STK10: variants seen among roughly 807,000 people sequenced by gnomAD.
The protein encoded by STK10 is serine/threonine-protein kinase 10.
A neutral mutation model predicts 113.8 loss-of-function variants in STK10; 78 were observed. The ratio of observed to expected loss-of-function variants is 0.69; its 90% CI spans 0.57 to 0.83. The LOEUF is 0.83. Among genes scored for constraint, STK10 ranks in the 40% least tolerant of loss-of-function variants. The pLI, the probability that STK10 is intolerant of heterozygous loss-of-function variation, is 0.00. For missense variants in STK10, 1,109 were observed against 1,280.1 expected (o/e 0.87, Z 2.04); for synonymous variants, 465 against 494.7 (o/e 0.94, Z 0.80).
intron 2 of STK10, among the ~76,000 whole-genome samples, chr5:172,128,375 C>T (rs1259323520): frequency 7.4e-6 from 1 of 134,952 alleles, no homozygotes; most frequent in Non-Finnish European, 1.5e-5. Context: ...GACTCTCGCT[C>T]TTGTCACCCA....
chr5:172,166,000 T>C (rs544570605), intron 1 of STK10, among the ~76,000 whole-genome samples: 26 of 151,912 alleles, frequency 1.7e-4, no homozygotes, highest in Middle Eastern at 3.4e-3. Flanking sequence ...TCCATGTTGG[T>C]CAGGCTGGTC....
intron 12 of STK10, among the ~76,000 whole-genome samples, chr5:172,076,596 G>A (rs1044469164): frequency 6.6e-6 from 1 of 152,180 alleles, no homozygotes; most frequent in Non-Finnish European, 1.5e-5. Context: ...TTCCCCAGTG[G>A]TGACAACCAA....
intron 10 of STK10, among the ~76,000 whole-genome samples, chr5:172,085,688 CA>C (rs74437272): frequency 0.067 from 7,216 of 108,006 alleles, 518 homozygotes; most frequent in African/African-American, 0.2. Flanking sequence ...GACTCCATTT[CA>C]AAAAAAAAAA....
At chr5:172,053,141 G>A (rs1230010901) in intron 17 of STK10, 99 bp from the exon 18 acceptor site, 11 of 850,844 alleles carry the variant, frequency 1.3e-5, no homozygotes, top group Middle Eastern at 2.3e-4. Context: ...CACCAGCATC[G>A]TTCATTTATT....
In STK10 at chr5:172,106,401, C is replaced by CAGAAA. The variant is rs1475870342; in HGVS notation, c.788+218_788+219insTTTCT. Among the ~76,000 whole-genome samples the CAGAAA allele has an allele frequency of 4.1e-4, 22 of 53,456 alleles. 2 individuals are homozygous for CAGAAA. The highest frequency in any genetic ancestry group is 2.4e-3 in the South Asian group (2 of 828). 35.1% of individuals were successfully genotyped at this position (53,456 alleles called of 152,430 possible). A position where few individuals can be genotyped will look rare whatever the true frequency, so the allele number is the denominator to read the frequency against. The stretch of plus-strand genomic sequence containing the variant: ...TGGGCAAAAGAGTGAGACCCTATCT[C>CAGAAA]AAAAAAAAAAAAAAAAAGGAACACA... On this transcript the variant is annotated intron_variant, in intron 6 of 18. Transcript: ENST00000176763.
chr5:172,076,648 T>C (rs1321727154), intron 12 of STK10, among the ~76,000 whole-genome samples: 1 of 152,172 alleles, frequency 6.6e-6, no homozygotes, highest in East Asian at 1.9e-4. Flanking sequence ...CGGAACAAAA[T>C]AGTCCCCGGT....
At chr5:172,092,326 C>A (rs139597644) in intron 9 of STK10, 1 of 152,242 alleles carries the variant, frequency 6.6e-6, no homozygotes. Context: ...AGGTCCCTGA[C>A]GCAATGCAGT....
intron 3 of STK10, among the ~76,000 whole-genome samples, chr5:172,122,014 C>T (rs986933928): frequency 2.6e-5 from 4 of 151,968 alleles, no homozygotes; most frequent in Non-Finnish European, 5.9e-5. Flanking sequence ...ATTATGGGCA[C>T]CTGCCACTGT....
chr5:172,154,362 C>T (rs1770302467), intron 2 of STK10, among the ~76,000 whole-genome samples: 1 of 152,186 alleles, frequency 6.6e-6, no homozygotes, highest in Non-Finnish European at 1.5e-5. Flanking sequence ...ACTTTACCAC[C>T]CTCATCTTTC....
chr5:172,049,863 T>C (rs1289515835), intron 18 of STK10, among the ~76,000 whole-genome samples: 1 of 152,178 alleles, frequency 6.6e-6, no homozygotes, highest in Non-Finnish European at 1.5e-5. Context: ...AGTGAAGTGG[T>C]GAGATCTTGG....
At position 172,093,480 on chromosome 5, in the gene STK10, T is replaced by C. The variant is rs747500187; in HGVS notation, c.1486A>G (p.Met496Val). The change falls in exon 9 of 19, where the codon ATG (methionine) becomes GTG (valine). Residue 496 changes from methionine to valine, a missense_variant. Coordinates refer to ENST00000176763, the MANE Select transcript of STK10 (RefSeq NM_005990.4). The surrounding 1 kb of genome is among the most constrained non-coding windows in gnomAD (Gnocchi z 4.1). ...GTGGAGAGATTGGTACCATAGTCCA[T>C]GCTCTCAGAGGTGCAGAGGCTGCTG... ...DCSSLCTSESMDYGTNLSTDL... is the reference protein window; with the variant it reads ...DCSSLCTSESVDYGTNLSTDL... 15 of 1,614,094 alleles carry C rather than the reference T, an allele frequency of 9.3e-6. No individual in the cohort carries two copies. The highest frequency in any genetic ancestry group is 1.2e-5 in the Non-Finnish European group (14 of 1,180,016).
At chr5:172,057,179 G>T in intron 15 of STK10, 170 bp downstream of exon 15, 1 of 850,024 alleles carries the variant, frequency 1.2e-6, no homozygotes, top group Non-Finnish European at 1.8e-6. Context: ...GCTGAAGCAG[G>T]ACGCCCCTGG....
chr5:172,160,596 C>T (rs2113822248), intron 1 of STK10, among the ~76,000 whole-genome samples: 1 of 152,300 alleles, frequency 6.6e-6, no homozygotes, highest in South Asian at 2.1e-4. Flanking sequence ...GCTTAGTCTC[C>T]ACCGTGGCAC....
At chr5:172,148,291 TGTGA>T (rs752652431) in intron 2 of STK10, among the ~76,000 whole-genome samples, 13 of 151,768 alleles carry the variant, frequency 8.6e-5, no homozygotes. Context: ...GGAATGAGGG[TGTGA>T]GTGACAGGGT....
intron 10 of STK10, among the ~76,000 whole-genome samples, chr5:172,088,578 T>A (rs969318653): frequency 6.6e-6 from 1 of 152,122 alleles, no homozygotes; most frequent in African/African-American, 2.4e-5. Flanking sequence ...TGTATAAAAA[T>A]ATGTGATTAA....
At position 172,166,397 on chromosome 5, in the gene STK10, C is replaced by T. The variant is rs1581187959; in HGVS notation, c.157-9609G>A. On this transcript the variant is annotated intron_variant, in intron 1 of 18. Transcript: ENST00000176763. ...TTGGCCACCAAGAAGGAGATGAGTT[C>T]CCTCTCTCTGGGGCTGTTCCAGCAA... Among the ~76,000 whole-genome samples, 5 of 152,296 alleles carry T rather than the reference C, an allele frequency of 3.3e-5. 1 individual carries two copies. The highest frequency in any genetic ancestry group is 3.3e-4 in the Admixed American group (5 of 15,298).
intron 8 of STK10, among the ~76,000 whole-genome samples, chr5:172,095,186 C>G (rs760428230): frequency 1.4e-3 from 210 of 152,348 alleles, no homozygotes; most frequent in African/African-American, 3.9e-3. Flanking sequence ...TTGCCAGCCA[C>G]CGGTTTTTAA....
At chr5:172,064,537 G>C in intron 13 of STK10, 183 bp downstream of exon 13, 1 of 628,974 alleles carries the variant, frequency 1.6e-6, no homozygotes, top group South Asian at 1.9e-5. Context: ...GATGGAGGCA[G>C]GGCAATCGAG....
intron 3 of STK10, among the ~76,000 whole-genome samples, chr5:172,126,297 A>G (rs1402528857): frequency 6.6e-6 from 1 of 151,992 alleles, no homozygotes; most frequent in Non-Finnish European, 1.5e-5. Context: ...AATAAAAGTG[A>G]TATTTGCCTG....
Sources: gnomAD v4.1 joint callset for allele counts (sites outside exome capture counted in the v4.1 genomes callset) on GRCh38, gnomAD v4.1.1 for gene constraint, Gnocchi (gnomAD v3.1) non-coding constraint, MANE v1.5 for transcripts, NCBI Gene and HGNC (gene_info 2026-07-23, HGNC 2026-07-21) for gene names.